BMAL1: variants seen among roughly 807,000 people sequenced by gnomAD.
The protein encoded by BMAL1 is basic helix-loop-helix ARNT-like protein 1.
the BMAL1 span, chr11:13,378,719 AAAG>A: frequency 2.5e-6 from 1 of 399,660 alleles, no homozygotes; most frequent in Non-Finnish European, 4.4e-6. Flanking sequence ...TGCCTTAAAT[AAAG>A]AAGCTAAACC....
the BMAL1 span, chr11:13,358,515 A>C: frequency 2.5e-6 from 4 of 1,613,464 alleles, no homozygotes; most frequent in South Asian, 4.4e-5. Context: ...TGGTACCAAC[A>C]TGCAACGCAA....
the BMAL1 span, chr11:13,277,662 G>A: frequency 7.6e-5 from 10 of 132,198 alleles, no homozygotes; most frequent in South Asian, 2.5e-4. Flanking sequence ...TGGCTGGCGG[G>A]AAGAGGCAGG....
chr11:13,328,339 A>G, the BMAL1 span, among the ~76,000 whole-genome samples: 1 of 152,192 alleles, frequency 6.6e-6, no homozygotes, highest in African/African-American at 2.4e-5. Context: ...CTTTAAAAAA[A>G]TGCTTGTTTT....
At chr11:13,373,483 A>C in the BMAL1 span, among the ~76,000 whole-genome samples, 44 of 152,190 alleles carry the variant, frequency 2.9e-4, no homozygotes, top group Non-Finnish European at 1.2e-4. Context: ...GTTTAGATTT[A>C]TACCACATTT....
the BMAL1 span, among the ~76,000 whole-genome samples, chr11:13,306,268 G>T: frequency 6.6e-6 from 1 of 152,084 alleles, no homozygotes; most frequent in Non-Finnish European, 1.5e-5. Flanking sequence ...GGAAGAGGGG[G>T]AGTGGAGAGA....
chr11:13,285,358 A>T, the BMAL1 span, among the ~76,000 whole-genome samples: 7 of 152,348 alleles, frequency 4.6e-5, no homozygotes, highest in East Asian at 9.6e-4. Flanking sequence ...TACAGCAGTG[A>T]ACAAAACAAG....
the BMAL1 span, among the ~76,000 whole-genome samples, chr11:13,292,341 G>A: frequency 2.6e-5 from 4 of 151,566 alleles, no homozygotes; most frequent in East Asian, 5.8e-4. Flanking sequence ...TCAGGAGATC[G>A]AGACCATCCT....
chr11:13,291,308 G>A, the BMAL1 span, among the ~76,000 whole-genome samples: 2 of 152,168 alleles, frequency 1.3e-5, no homozygotes, highest in African/African-American at 4.8e-5. Flanking sequence ...ACTACATATA[G>A]TTGCAAAGAA....
the BMAL1 span, among the ~76,000 whole-genome samples, chr11:13,327,611 C>T: frequency 6.6e-6 from 1 of 152,190 alleles, no homozygotes; most frequent in African/African-American, 2.4e-5. Context: ...ATTGACTGAA[C>T]AGTTTCCGGT....
At chr11:13,355,196 C>T in the BMAL1 span, 10 of 1,597,316 alleles carry the variant, frequency 6.3e-6, no homozygotes, top group Non-Finnish European at 7.7e-6. Flanking sequence ...GGAGGTATAC[C>T]CCCTACAGCA....
chr11:13,385,598 C>T, the BMAL1 span: 2 of 867,456 alleles, frequency 2.3e-6, no homozygotes, highest in South Asian at 3.1e-5. Context: ...CCATTTGAAG[C>T]TTCTCCCCAC....
chr11:13,299,067 A>G, the BMAL1 span, among the ~76,000 whole-genome samples: 2,104 of 152,264 alleles, frequency 0.014, 48 homozygotes, highest in African/African-American at 0.049. Flanking sequence ...TTTTTAATCC[A>G]TCAGGACCCT....
chr11:13,304,935 G>A, the BMAL1 span, among the ~76,000 whole-genome samples: 1 of 152,228 alleles, frequency 6.6e-6, no homozygotes, highest in African/African-American at 2.4e-5. Context: ...CCCTACCTGA[G>A]GGGGCACAGC....
the BMAL1 span, chr11:13,372,265 G>T: frequency 6.2e-7 from 1 of 1,614,078 alleles, no homozygotes; most frequent in Non-Finnish European, 8.5e-7. Context: ...GACAATGAGG[G>T]GTGTAACCTC....
At chr11:13,347,995 C>T in the BMAL1 span, among the ~76,000 whole-genome samples, 1 of 152,138 alleles carries the variant, frequency 6.6e-6, no homozygotes, top group African/African-American at 2.4e-5. Flanking sequence ...TAAGGCCCTA[C>T]CTGCCTGAAG....
At chr11:13,315,282 C>G in the BMAL1 span, among the ~76,000 whole-genome samples, 1 of 152,178 alleles carries the variant, frequency 6.6e-6, no homozygotes, top group African/African-American at 2.4e-5. Context: ...TAGCTCATGC[C>G]TGTTCACCCT....
chr11:13,335,604 CA>C, the BMAL1 span, among the ~76,000 whole-genome samples: 4 of 152,300 alleles, frequency 2.6e-5, no homozygotes, highest in African/African-American at 9.6e-5. Flanking sequence ...TTCTTGTGGG[CA>C]AAACCCTGCT....
At chr11:13,369,405 A>G in the BMAL1 span, among the ~76,000 whole-genome samples, 1 of 152,224 alleles carries the variant, frequency 6.6e-6, no homozygotes, top group Non-Finnish European at 1.5e-5. Context: ...CCATTTATTT[A>G]GTAGCACACT....
the BMAL1 span, among the ~76,000 whole-genome samples, chr11:13,312,441 T>C: frequency 6.6e-6 from 1 of 152,198 alleles, no homozygotes; most frequent in African/African-American, 2.4e-5. Context: ...GTGTTTCCAC[T>C]TCTTAGGAGT....
Sources: allele counts gnomAD v4.1 joint callset (sites outside exome capture counted in the v4.1 genomes callset), GRCh38; gene constraint gnomAD v4.1.1; transcripts MANE v1.5; gene names NCBI Gene and HGNC (gene_info 2026-07-23, HGNC 2026-07-21).